Variants in MRAS observed in about 807,000 individuals in gnomAD.
MRAS encodes the protein ras-related protein M-Ras.
A neutral mutation model predicts 20.9 loss-of-function variants in MRAS; 4 were observed. The observed-to-expected ratio is 0.19, with a 90% CI of 0.09 to 0.44. The LOEUF is 0.44. MRAS is among the 20% of genes least tolerant of loss of function. The pLI, the probability that MRAS is intolerant of heterozygous loss-of-function variation, is 0.99. For missense variants in MRAS, 154 were observed against 277.5 expected (o/e 0.56, Z 3.16); for synonymous variants, 98 against 102.9 (o/e 0.95, Z 0.29).
intron 2 of MRAS, among the ~76,000 whole-genome samples, chr3:138,392,248 CAG>C (rs1406889329): frequency 3.9e-5 from 6 of 152,148 alleles, no homozygotes; most frequent in Non-Finnish European, 8.8e-5. Flanking sequence ...CATTCTGCCC[CAG>C]AGGCTGGAGT....
chr3:138,398,412 A>T, intron 3 of MRAS, 57 bp from the exon 4 acceptor site: 1 of 1,450,648 alleles, frequency 6.9e-7, no homozygotes, highest in South Asian at 1.1e-5. Flanking sequence ...GTGCCACCTT[A>T]ACCAGGTGTG....
intron 1 of MRAS, among the ~76,000 whole-genome samples, chr3:138,362,074 G>A (rs1225771867): frequency 1.3e-5 from 2 of 152,140 alleles, no homozygotes; most frequent in Non-Finnish European, 2.9e-5. Flanking sequence ...AGGGGGCACT[G>A]TGAGGGGCTG....
intron 1 of MRAS, among the ~76,000 whole-genome samples, chr3:138,351,808 C>T (rs1055901696): frequency 2.6e-5 from 4 of 152,282 alleles, no homozygotes; most frequent in Non-Finnish European, 5.9e-5. Context: ...GTTTTGTCTT[C>T]TTGAGTCACA....
intron 1 of MRAS, among the ~76,000 whole-genome samples, chr3:138,356,270 A>G (rs373553671): frequency 6.6e-6 from 1 of 152,160 alleles, no homozygotes; most frequent in East Asian, 1.9e-4. Context: ...GGGCATGTGG[A>G]TCTGTGGGGA....
intron 2 of MRAS, among the ~76,000 whole-genome samples, chr3:138,396,411 G>C (rs1283712679): frequency 6.6e-6 from 1 of 152,194 alleles, no homozygotes; most frequent in East Asian, 1.9e-4. Flanking sequence ...GGGGAAGGTG[G>C]ATCTGGTCAG....
chr3:138,370,495 C>T (rs563546975), intron 1 of MRAS, among the ~76,000 whole-genome samples: 123 of 152,182 alleles, frequency 8.1e-4, no homozygotes, highest in African/African-American at 2.9e-3. Flanking sequence ...CACCCTGCAA[C>T]TCCCCTCCGC....
intron 2 of MRAS, among the ~76,000 whole-genome samples, chr3:138,380,393 A>G (rs535653698): frequency 1.3e-5 from 2 of 151,068 alleles, no homozygotes; most frequent in African/African-American, 4.9e-5. Context: ...GTTCACTGCA[A>G]CCTCCGCTTT....
At chr3:138,370,309 C>A (rs1391308208) in intron 1 of MRAS, among the ~76,000 whole-genome samples, 1 of 152,102 alleles carries the variant, frequency 6.6e-6, no homozygotes, top group Non-Finnish European at 1.5e-5. Flanking sequence ...ACAGTAGCAC[C>A]CAAAAACAAA....
At chr3:138,391,953 C>A (rs1328465052) in intron 2 of MRAS, among the ~76,000 whole-genome samples, 1 of 152,142 alleles carries the variant, frequency 6.6e-6, no homozygotes, top group Non-Finnish European at 1.5e-5. Context: ...TCCTGGCCAA[C>A]ATGGTGAAAC....
intron 1 of MRAS, among the ~76,000 whole-genome samples, chr3:138,352,317 C>T (rs888104915): frequency 6.6e-6 from 1 of 152,190 alleles, no homozygotes; most frequent in Non-Finnish European, 1.5e-5. Context: ...CCTGGCCCTC[C>T]TTGCCCTGGC....
chr3:138,391,343 TAG>T (rs2055128616), intron 2 of MRAS, among the ~76,000 whole-genome samples: 2 of 152,298 alleles, frequency 1.3e-5, no homozygotes, highest in South Asian at 4.1e-4. Flanking sequence ...GCTTTTTAAT[TAG>T]AGAGTTATAG....
At chr3:138,349,880 A>G (rs1002036519) in intron 1 of MRAS, 2 of 152,166 alleles carry the variant, frequency 1.3e-5, no homozygotes, top group Non-Finnish European at 2.9e-5. Flanking sequence ...ATTTGACAAG[A>G]CACCTCTTGA....
At chr3:138,386,067 A>G (rs923733819) in intron 2 of MRAS, among the ~76,000 whole-genome samples, 3 of 152,096 alleles carry the variant, frequency 2.0e-5, no homozygotes, top group African/African-American at 4.8e-5. Context: ...TTCCTCATAT[A>G]ACTTTTTTTA....
intron 1 of MRAS, among the ~76,000 whole-genome samples, chr3:138,361,232 A>T (rs533580483): frequency 6.6e-6 from 1 of 152,348 alleles, no homozygotes; most frequent in South Asian, 2.1e-4. Context: ...ACACCAGACC[A>T]GGAATCAGCA....
chr3:138,401,880 T>C (rs1001781016), intron 5 of MRAS, among the ~76,000 whole-genome samples: 20 of 152,242 alleles, frequency 1.3e-4, no homozygotes, highest in Non-Finnish European at 2.2e-4. Context: ...TTATGATTTA[T>C]GTAAATGTAG....
chr3:138,395,007 C>A (rs577755393), intron 2 of MRAS, among the ~76,000 whole-genome samples: 4 of 152,212 alleles, frequency 2.6e-5, no homozygotes, highest in Admixed American at 6.5e-5. Flanking sequence ...TCAAGATGTC[C>A]TCTAGAGCAT....
intron 1 of MRAS, among the ~76,000 whole-genome samples, chr3:138,370,992 A>G (rs572838386): frequency 1.3e-5 from 2 of 152,276 alleles, no homozygotes; most frequent in Admixed American, 6.5e-5. Flanking sequence ...ATAGTACTCC[A>G]TTATATGGAT....
chr3:138,401,369 C>T (rs1164405664), intron 5 of MRAS, among the ~76,000 whole-genome samples: 1 of 152,184 alleles, frequency 6.6e-6, no homozygotes, highest in Non-Finnish European at 1.5e-5. Context: ...CTCTAACCCC[C>T]ACTATACACA....
At chr3:138,352,344 C>T (rs2054245960) in intron 1 of MRAS, among the ~76,000 whole-genome samples, 1 of 152,198 alleles carries the variant, frequency 6.6e-6, no homozygotes, top group South Asian at 2.1e-4. Flanking sequence ...CACTGAGCCC[C>T]TAGGGCCATT....
Sources: gnomAD v4.1 joint callset for allele counts (sites outside exome capture counted in the v4.1 genomes callset) on GRCh38, gnomAD v4.1.1 for gene constraint, MANE v1.5 for transcripts, NCBI Gene and HGNC (gene_info 2026-07-23, HGNC 2026-07-21) for gene names.